The following DHX15 variants were observed in gnomAD, a reference collection of about 807,000 sequenced individuals.
DHX15 encodes DEAH-box helicase 15, also known as ATP-dependent RNA helicase DHX15.
A neutral mutation model predicts 94.4 loss-of-function variants in DHX15; 11 were observed. That is an observed-to-expected ratio of 0.12 (90% CI 0.07 to 0.19). The LOEUF is 0.19. Ranked by LOEUF, DHX15 falls within the 10% of genes least tolerant of loss-of-function variation. The probability of loss-of-function intolerance (pLI) is 1.00; values close to 1 mark genes in which losing one functional copy is unlikely to be tolerated. For missense variants in DHX15, 304 were observed against 988.5 expected, an observed-to-expected ratio of 0.31 and a Z score of 9.29; for synonymous variants, 338 against 329.9, an observed-to-expected ratio of 1.02 and a Z score of -0.27.
chr4:24,549,704 A>C (rs1182272552), intron 5 of DHX15, among the ~76,000 whole-genome samples: 1 of 152,200 alleles, frequency 6.6e-6, no homozygotes, highest in African/African-American at 2.4e-5. Context: ...TACAAACCTG[A>C]GGAGCATGTT....
Position 24,527,869 on chromosome 4 carries a change from GTTCA to G in DHX15, c.*51_*54del, listed in dbSNP as rs761734505. On this transcript the variant is annotated 3_prime_UTR_variant, in exon 14 of 14. Transcript: ENST00000336812. The stretch of plus-strand genomic sequence containing the variant: ...TGAAGAGCACAACTCGAACTTTTGA[GTTCA>G]TTCATCTTTTAAAGCTGTCCTCTCA... 9 of 1,323,840 alleles carry G rather than the reference GTTCA, an allele frequency of 6.8e-6. No individual in the cohort carries two copies. Among genetic ancestry groups the G allele is most frequent in the Non-Finnish European group, 9.8e-6 (9 of 920,108 alleles). The allele number at this position is 1,323,840 out of a possible 1,614,324, so 82.0% of individuals were successfully genotyped here.
intron 3 of DHX15, among the ~76,000 whole-genome samples, chr4:24,564,199 A>C (rs1721947477): frequency 3.3e-5 from 5 of 152,170 alleles, no homozygotes; most frequent in Admixed American, 3.3e-4. Flanking sequence ...TTAATAAATA[A>C]TGGTGGTTAT....
intron 1 of DHX15, 108 bp downstream of exon 1, chr4:24,584,215 C>A: frequency 8.4e-7 from 1 of 1,193,280 alleles, no homozygotes; most frequent in Non-Finnish European, 1.2e-6. Flanking sequence ...CAGAGAGAAA[C>A]AAAGGCTCGG....
At chr4:24,532,383 G>A (rs1721103656) in intron 12 of DHX15, among the ~76,000 whole-genome samples, 1 of 152,166 alleles carries the variant, frequency 6.6e-6, no homozygotes, top group Admixed American at 6.5e-5. Flanking sequence ...TTTGAATTTG[G>A]AGGTGCTTAG....
At chr4:24,541,788 TAAGTA>T in intron 8 of DHX15, 80 bp downstream of exon 8, 1 of 1,343,708 alleles carries the variant, frequency 7.4e-7, no homozygotes, top group East Asian at 2.5e-5. Context: ...AAGGCAAGAT[TAAGTA>T]AATAAGGCAA....
intron 6 of DHX15, among the ~76,000 whole-genome samples, chr4:24,546,008 G>T (rs896391398): frequency 1.3e-5 from 2 of 151,836 alleles, no homozygotes; most frequent in Admixed American, 1.3e-4. Flanking sequence ...TTTTCTAATA[G>T]AACCACTTCC....
chr4:24,548,939 C>T lies in DHX15; in HGVS notation c.1164G>A (p.Leu388=), dbSNP rs982883527. The T allele has an allele frequency of 1.2e-6, 2 of 1,613,776 alleles. No individual in the cohort carries two copies. The highest frequency in any genetic ancestry group is 1.3e-5 in the African/African-American group (1 of 75,038). ...GCTGCTGAGGTGGAAGTGTAGAATA[C>T]AATGGAATGATTTTAATGTCACCAA... ...PEVGDIKIIP[L]YSTLPPQQQQ... The change falls in exon 6 of 14, where the codon TTG becomes TTA. Residue 388 remains leucine (L), a synonymous_variant. Transcript: ENST00000336812.
intron 6 of DHX15, among the ~76,000 whole-genome samples, chr4:24,544,448 A>AATTT (rs1721381694): frequency 6.6e-6 from 1 of 152,224 alleles, no homozygotes. Context: ...GAAAAGACTG[A>AATTT]CAACTAGCAA....
intron 5 of DHX15, among the ~76,000 whole-genome samples, chr4:24,550,488 T>C (rs1648009898): frequency 6.6e-6 from 1 of 152,176 alleles, no homozygotes; most frequent in South Asian, 2.1e-4. Flanking sequence ...ATAAGCTTCA[T>C]TCCAATTTAA....
intron 11 of DHX15, 98 bp from the exon 12 acceptor site, chr4:24,533,152 T>A: frequency 9.4e-7 from 1 of 1,065,458 alleles, no homozygotes; most frequent in Non-Finnish European, 1.5e-6. Flanking sequence ...ATAAGCTAAA[T>A]AAACCAGAAA....
chr4:24,543,427 A>G (rs909406976), intron 6 of DHX15, among the ~76,000 whole-genome samples: 2 of 152,170 alleles, frequency 1.3e-5, no homozygotes, highest in Non-Finnish European at 2.9e-5. Flanking sequence ...TTTTTGGGCA[A>G]TATTTACAAA....
At chr4:24,532,758 G>A in intron 12 of DHX15, 106 bp downstream of exon 12, 3 of 776,264 alleles carry the variant, frequency 3.9e-6, no homozygotes, top group South Asian at 5.0e-5. Flanking sequence ...AAATTTTTAT[G>A]AGCATGCACA....
chr4:24,577,208 ATTACT>A (rs755087678), intron 1 of DHX15, among the ~76,000 whole-genome samples: 2 of 152,188 alleles, frequency 1.3e-5, no homozygotes, highest in Non-Finnish European at 2.9e-5. Flanking sequence ...CTTCTAATAA[ATTACT>A]TTAATATTCC....
chr4:24,547,951 A>ATATATATC (rs1721486987), intron 6 of DHX15, among the ~76,000 whole-genome samples: 2 of 77,546 alleles, frequency 2.6e-5, no homozygotes, highest in African/African-American at 1.1e-4. Context: ...ATCTATATCT[A>ATATATATC]TATCTATATC....
chr4:24,560,832 A>G (rs993911123), intron 3 of DHX15, among the ~76,000 whole-genome samples: 1 of 152,250 alleles, frequency 6.6e-6, no homozygotes, highest in South Asian at 2.1e-4. Context: ...TGGCTAATAT[A>G]CAAAAATGTT....
chr4:24,558,562 C>T (rs1219840039), intron 3 of DHX15, among the ~76,000 whole-genome samples: 1 of 151,982 alleles, frequency 6.6e-6, no homozygotes, highest in African/African-American at 2.4e-5. Flanking sequence ...ATTAACTATG[C>T]ATATTGCAAG....
chr4:24,583,515 A>G (rs145765720), intron 1 of DHX15, among the ~76,000 whole-genome samples: 13 of 151,834 alleles, frequency 8.6e-5, no homozygotes, highest in African/African-American at 2.9e-4. Context: ...CCATGGGACG[A>G]TGTTCAGTAA....
At chr4:24,579,825 G>A (rs1259696495) in intron 1 of DHX15, among the ~76,000 whole-genome samples, 1 of 152,170 alleles carries the variant, frequency 6.6e-6, no homozygotes, top group Non-Finnish European at 1.5e-5. Flanking sequence ...GAGTGCAGTG[G>A]TGCAATCTCA....
At chr4:24,567,529 A>T (rs1211591853) in intron 3 of DHX15, among the ~76,000 whole-genome samples, 1 of 151,588 alleles carries the variant, frequency 6.6e-6, no homozygotes, top group East Asian at 1.9e-4. Flanking sequence ...GTGAGCCGAG[A>T]TCGTGCCACT....
Sources: gnomAD v4.1 joint callset for allele counts (sites outside exome capture counted in the v4.1 genomes callset) on GRCh38, gnomAD v4.1.1 for gene constraint, MANE v1.5 for transcripts, NCBI Gene and HGNC (gene_info 2026-07-23, HGNC 2026-07-21) for gene names.